The following KIAA0513 variants were observed in gnomAD, a reference collection of about 807,000 sequenced individuals.
KIAA0513 encodes KIAA0513.
KIAA0513 carries 39 observed loss-of-function variants against 56.5 expected under a neutral mutation model. The observed-to-expected ratio is 0.69, with a 90% CI of 0.53 to 0.90. KIAA0513 has a LOEUF of 0.90. Ranked by LOEUF, KIAA0513 falls within the 40% of genes least tolerant of loss-of-function variation. The pLI is 0.00. For missense variants in KIAA0513, 591 were observed against 535.2 expected (o/e 1.10, Z -1.03); for synonymous variants, 268 against 215.6 (o/e 1.24, Z -2.13).
chr16:85,078,283 T>C lies in KIAA0513; in HGVS notation c.783-132T>C, dbSNP rs922974610. ...GCAGTTGACAAATAGAGCCTTGATT[T>C]CATAAAAGGCTTTTCAGAGCAAGCC... On this transcript the variant is annotated intron_variant, in intron 6 of 12. Coordinates refer to ENST00000683363, the MANE Select transcript of KIAA0513 (RefSeq NM_001388359.1). 2.4e-5 allele frequency: 21 copies of C among 869,612 alleles called. No individual in the cohort carries two copies. The African/African-American group carries it at 3.6e-4, about 15-fold the overall frequency. 53.9% of individuals were successfully genotyped at this position (869,612 alleles called of 1,614,324 possible).
At chr16:85,038,707 C>CAAAAAAAAAA (rs769470751) in intron 1 of KIAA0513, among the ~76,000 whole-genome samples, 1 of 71,270 alleles carries the variant, frequency 1.4e-5, no homozygotes, top group African/African-American at 5.7e-5. Flanking sequence ...GACTCAGCCT[C>CAAAAAAAAAA]AAAAAAAAAA....
At chr16:85,070,187 AAAAGAAAG>A (rs58091090) in intron 2 of KIAA0513, among the ~76,000 whole-genome samples, 2 of 147,504 alleles carry the variant, frequency 1.4e-5, no homozygotes, top group African/African-American at 5.0e-5. Context: ...AAAAAAAGAA[AAAAGAAAG>A]AAATTTTGCG....
chr16:85,086,990 G>T, intron 11 of KIAA0513, 82 bp from the exon 12 acceptor site: 1 of 1,318,122 alleles, frequency 7.6e-7, no homozygotes, highest in East Asian at 2.3e-5. Flanking sequence ...GCCATGGTGG[G>T]CGTCCCAGAG....
At chr16:85,065,966 C>T (rs561525572) in intron 1 of KIAA0513, among the ~76,000 whole-genome samples, 3 of 152,340 alleles carry the variant, frequency 2.0e-5, no homozygotes, top group African/African-American at 7.2e-5. Flanking sequence ...AGCAAGCACA[C>T]GACACACATG....
intron 6 of KIAA0513, 124 bp downstream of exon 6, chr16:85,077,756 C>T: frequency 1.4e-6 from 1 of 712,576 alleles, no homozygotes; most frequent in South Asian, 1.9e-5. Flanking sequence ...CACTGCGCTG[C>T]CCAGCCACTT....
intron 1 of KIAA0513, among the ~76,000 whole-genome samples, chr16:85,056,272 A>G (rs982636848): frequency 6.6e-5 from 10 of 152,156 alleles, no homozygotes; most frequent in Non-Finnish European, 1.2e-4. Context: ...GCTCCTTCCC[A>G]TCAGCGCGGC....
chr16:85,064,307 G>A (rs767467150), intron 1 of KIAA0513, among the ~76,000 whole-genome samples: 2 of 151,810 alleles, frequency 1.3e-5, no homozygotes, highest in South Asian at 2.1e-4. Flanking sequence ...TGCCTGGCCC[G>A]TTTTACTATA....
chr16:85,028,913 G>T (rs2072925114), intron 1 of KIAA0513, among the ~76,000 whole-genome samples: 2 of 152,178 alleles, frequency 1.3e-5, no homozygotes, highest in Non-Finnish European at 2.9e-5. Flanking sequence ...GCGACTCGAT[G>T]TTGATGTTTC....
At chr16:85,074,668 G>C (rs978244718) in intron 4 of KIAA0513, among the ~76,000 whole-genome samples, 1 of 152,144 alleles carries the variant, frequency 6.6e-6, no homozygotes, top group Non-Finnish European at 1.5e-5. Context: ...GCTGGCCAGG[G>C]GAGGGCTAAG....
Position 85,028,094 on chromosome 16 carries a change from A to G in KIAA0513, c.-173+236A>G, listed in dbSNP as rs550600262. Reference sequence around the variant, plus strand: ...TCCTCGCCTGCTGGGAGGCAAAGGGAATAGGGGAAGGTCGCCGGGAGCCCA... The same window carrying G: ...TCCTCGCCTGCTGGGAGGCAAAGGGGATAGGGGAAGGTCGCCGGGAGCCCA... On this transcript the variant is annotated intron_variant, in intron 1 of 12. Coordinates refer to ENST00000683363, the MANE Select transcript of KIAA0513 (RefSeq NM_001388359.1). Among the ~76,000 whole-genome samples, 80 of 151,900 alleles carry G rather than the reference A, an allele frequency of 5.3e-4. 1 individual carries two copies. In the South Asian group the frequency reaches 6.2e-3, roughly 12 times the overall value.
Position 85,037,828 on chromosome 16 carries a change from C to G in KIAA0513, c.-173+9970C>G, listed in dbSNP as rs148634679. Among the ~76,000 whole-genome samples the G allele has an allele frequency of 2.5e-3, 384 of 152,276 alleles. 3 individuals carry two copies. Among genetic ancestry groups the G allele is most frequent in the African/African-American group, 8.1e-3 (335 of 41,556 alleles). ...GCTGTGGGAAAGAAGTAGCATCTCT[C>G]ACGTCCTCTCTCCCTCCTCCAGGGA... On this transcript the variant is annotated intron_variant, in intron 1 of 12. Transcript: ENST00000683363.
Position 85,086,505 on chromosome 16 carries a change from C to T in KIAA0513, c.1011-139C>T, listed in dbSNP as rs940275535. The T allele has an allele frequency of 4.5e-5, 35 of 781,594 alleles. No individual in the cohort carries two copies. The East Asian group carries it at 5.9e-4, about 13-fold the overall frequency. 48.4% of individuals were successfully genotyped at this position (781,594 alleles called of 1,614,324 possible). ...GTGGAAGGCCCAGCACACGGCTCTC[C>T]GGTGGAAGGCACCCCCTTCTGTGCC... On this transcript the variant is annotated intron_variant, in intron 10 of 12. Coordinates refer to ENST00000683363, the MANE Select transcript of KIAA0513 (RefSeq NM_001388359.1).
Position 85,049,170 on chromosome 16 carries a change from A to C in KIAA0513, c.-172-17730A>C, listed in dbSNP as rs930227692. ...GCCTTGGGCCCCAGCCAGAGATGGC[A>C]GGTGTCACGGGTAGGCAGGGACAGA... On this transcript the variant is annotated intron_variant, in intron 1 of 12. Transcript: ENST00000683363. Among the ~76,000 whole-genome samples the C allele has an allele frequency of 1.6e-4, 24 of 152,352 alleles. No homozygotes were observed. In the East Asian group the frequency reaches 3.9e-3, roughly 24 times the overall value.
intron 1 of KIAA0513, among the ~76,000 whole-genome samples, chr16:85,049,804 C>T (rs2073223930): frequency 6.6e-6 from 1 of 152,136 alleles, no homozygotes; most frequent in South Asian, 2.1e-4. Flanking sequence ...TATAGCAGTG[C>T]AAGAATGGCC....
intron 1 of KIAA0513, among the ~76,000 whole-genome samples, chr16:85,052,897 A>T (rs570199574): frequency 1.3e-5 from 2 of 151,612 alleles, no homozygotes; most frequent in African/African-American, 2.4e-5. Context: ...TTTTATTTTT[A>T]TTTTTTTTAT....
intron 4 of KIAA0513, among the ~76,000 whole-genome samples, chr16:85,073,229 C>T (rs2073605762): frequency 6.6e-6 from 1 of 152,186 alleles, no homozygotes; most frequent in African/African-American, 2.4e-5. Flanking sequence ...AGGGCTGCCG[C>T]TGCGTGTGAG....
At chr16:85,057,820 G>A (rs1428920308) in intron 1 of KIAA0513, among the ~76,000 whole-genome samples, 1 of 151,304 alleles carries the variant, frequency 6.6e-6, no homozygotes, top group Non-Finnish European at 1.5e-5. Context: ...TGGTGCTGAG[G>A]CTGCCTCTTT....
chr16:85,038,042 C>T (rs368241751), intron 1 of KIAA0513, among the ~76,000 whole-genome samples: 1 of 152,236 alleles, frequency 6.6e-6, no homozygotes, highest in East Asian at 1.9e-4. Flanking sequence ...CTAGTTGCTC[C>T]TGGGATGTAT....
chr16:85,029,174 A>T (rs1053157297), intron 1 of KIAA0513, among the ~76,000 whole-genome samples: 1 of 152,188 alleles, frequency 6.6e-6, no homozygotes, highest in African/African-American at 2.4e-5. Flanking sequence ...ACAGGACGAA[A>T]GGCTATTGAA....
Sources: gnomAD v4.1 joint callset for allele counts (sites outside exome capture counted in the v4.1 genomes callset) on GRCh38, gnomAD v4.1.1 for gene constraint, MANE v1.5 for transcripts, NCBI Gene and HGNC (gene_info 2026-07-23, HGNC 2026-07-21) for gene names.